KIF6: variants seen among roughly 807,000 people sequenced by gnomAD.
KIF6 encodes the protein kinesin-like protein KIF6.
In KIF6, 106 loss-of-function variants were observed where a neutral mutation model predicts 112.7. The ratio of observed to expected loss-of-function variants is 0.94; its 90% CI spans 0.80 to 1.11. KIF6 has a LOEUF of 1.11. Among genes scored for constraint, KIF6 ranks in the 50% least tolerant of loss-of-function variants. The pLI, the probability that KIF6 is intolerant of heterozygous loss-of-function variation, is 0.00. For missense variants in KIF6, 929 were observed against 964.0 expected (o/e 0.96, Z 0.48); for synonymous variants, 339 against 339.9 (o/e 1.00, Z 0.03).
At chr6:39,614,839 T>C (rs1331662017) in intron 5 of KIF6, among the ~76,000 whole-genome samples, 1 of 152,196 alleles carries the variant, frequency 6.6e-6, no homozygotes, top group Non-Finnish European at 1.5e-5. Context: ...TTCCTTAAAC[T>C]TTATTTCCAC....
At chr6:39,420,115 C>A in intron 14 of KIF6, 112 bp from the exon 15 acceptor site, 2 of 721,462 alleles carry the variant, frequency 2.8e-6, no homozygotes, top group Non-Finnish European at 2.4e-6. Context: ...TATTGAAAGA[C>A]ACAAAAGAAA....
intron 12 of KIF6, among the ~76,000 whole-genome samples, chr6:39,540,541 T>C (rs968049601): frequency 6.6e-6 from 1 of 152,244 alleles, no homozygotes; most frequent in Non-Finnish European, 1.5e-5. Flanking sequence ...GACAATAGGC[T>C]ATGTATACAT....
chr6:39,473,625 G>T (rs1774261431), intron 13 of KIF6, among the ~76,000 whole-genome samples: 1 of 152,174 alleles, frequency 6.6e-6, no homozygotes, highest in Non-Finnish European at 1.5e-5. Flanking sequence ...TGGTTAGAAT[G>T]AAAAAGAAAG....
chr6:39,681,969 A>T (rs1485332698), intron 3 of KIF6, among the ~76,000 whole-genome samples: 3 of 40,612 alleles, frequency 7.4e-5, no homozygotes, highest in Non-Finnish European at 2.0e-4. Context: ...GAGAAAAAAA[A>T]TGCTCATCGG....
intron 13 of KIF6, among the ~76,000 whole-genome samples, chr6:39,466,654 C>A (rs1773804106): frequency 6.6e-6 from 1 of 152,044 alleles, no homozygotes; most frequent in Non-Finnish European, 1.5e-5. Context: ...GCTTCCACTC[C>A]CCCTAGCTCC....
At chr6:39,571,841 G>C (rs4714262) in intron 10 of KIF6, among the ~76,000 whole-genome samples, 80,049 of 151,162 alleles carry the variant, frequency 0.53, 22,878 homozygotes, top group African/African-American at 0.75. Flanking sequence ...AAACTCCTAT[G>C]TTGGTCTCCT....
At chr6:39,463,677 C>T (rs1773617622) in intron 13 of KIF6, among the ~76,000 whole-genome samples, 1 of 152,314 alleles carries the variant, frequency 6.6e-6, no homozygotes, top group African/African-American at 2.4e-5. Flanking sequence ...CATCAGATGG[C>T]CACTTTTTAA....
chr6:39,494,444 A>G (rs1775653656), intron 13 of KIF6, among the ~76,000 whole-genome samples: 1 of 152,236 alleles, frequency 6.6e-6, no homozygotes, highest in South Asian at 2.1e-4. Flanking sequence ...TTTAAAGGTT[A>G]AATAACCATA....
intron 16 of KIF6, among the ~76,000 whole-genome samples, chr6:39,385,062 C>T (rs1767293310): frequency 6.6e-6 from 1 of 152,188 alleles, no homozygotes; most frequent in South Asian, 2.1e-4. Flanking sequence ...AGCATGAGGG[C>T]TAACAGCACC....
At chr6:39,614,038 A>C (rs1783362925) in intron 5 of KIF6, among the ~76,000 whole-genome samples, 1 of 152,174 alleles carries the variant, frequency 6.6e-6, no homozygotes, top group Non-Finnish European at 1.5e-5. Flanking sequence ...CCTGATGCCA[A>C]CACCGTTTCC....
At chr6:39,392,004 G>T (rs1321412878) in intron 15 of KIF6, among the ~76,000 whole-genome samples, 2 of 152,064 alleles carry the variant, frequency 1.3e-5, no homozygotes, top group Non-Finnish European at 2.9e-5. Context: ...GATACTTCAT[G>T]TCTCATGTCC....
At chr6:39,338,063 G>T (rs1763128223) in intron 22 of KIF6, among the ~76,000 whole-genome samples, 1 of 152,210 alleles carries the variant, frequency 6.6e-6, no homozygotes, top group South Asian at 2.1e-4. Flanking sequence ...ATTAAAATGT[G>T]AGAACTGGTA....
chr6:39,610,757 T>C (rs1783171660), intron 6 of KIF6, among the ~76,000 whole-genome samples: 1 of 152,156 alleles, frequency 6.6e-6, no homozygotes, highest in African/African-American at 2.4e-5. Context: ...ATAACATGTC[T>C]ACAACAATGG....
chr6:39,471,553 G>A (rs1222660322), intron 13 of KIF6, among the ~76,000 whole-genome samples: 2 of 152,184 alleles, frequency 1.3e-5, no homozygotes, highest in Non-Finnish European at 2.9e-5. Flanking sequence ...CAGCAAATGT[G>A]TACCCATGAT....
chr6:39,615,885 A>G (rs2466405), intron 5 of KIF6, among the ~76,000 whole-genome samples: 89,064 of 151,946 alleles, frequency 0.59, 29,106 homozygotes, highest in African/African-American at 0.89. Flanking sequence ...GCAGTTGGTG[A>G]GTATACTAAG....
At chr6:39,713,127 G>A (rs769213476) in intron 3 of KIF6, among the ~76,000 whole-genome samples, 4 of 152,154 alleles carry the variant, frequency 2.6e-5, no homozygotes, top group African/African-American at 9.7e-5. Context: ...TCTGAGGGAA[G>A]AGAATTCCGG....
In KIF6 at chr6:39,371,091, T is replaced by C. The variant is rs373593284; in HGVS notation, c.1862-8573A>G. On this transcript the variant is annotated intron_variant, in intron 16 of 22. Coordinates refer to ENST00000287152, the MANE Select transcript of KIF6 (RefSeq NM_145027.6). ...TTTGCCAATTTTTGGGGTACAAATA[T>C]TCCTGTTCAGTCTACCAACATGATG... Among the ~76,000 whole-genome samples the C allele has an allele frequency of 5.3e-5, 8 of 152,316 alleles. No homozygotes were observed. In the East Asian group the frequency reaches 1.3e-3, roughly 26 times the overall value.
chr6:39,394,491 C>T (rs953645377), intron 15 of KIF6, among the ~76,000 whole-genome samples: 6 of 152,194 alleles, frequency 3.9e-5, no homozygotes, highest in Admixed American at 6.5e-5. Flanking sequence ...TATTCACCAG[C>T]AGCCTGGCAA....
At chr6:39,420,606 G>A (rs914634483) in intron 14 of KIF6, among the ~76,000 whole-genome samples, 7 of 152,162 alleles carry the variant, frequency 4.6e-5, no homozygotes, top group African/African-American at 1.7e-4. Flanking sequence ...ACCCTTTATA[G>A]AAGAAGTTTG....
Sources: allele counts gnomAD v4.1 joint callset (sites outside exome capture counted in the v4.1 genomes callset), GRCh38; gene constraint gnomAD v4.1.1; transcripts MANE v1.5; gene names NCBI Gene and HGNC (gene_info 2026-07-23, HGNC 2026-07-21).